The following IL27RA variants were observed in gnomAD, a reference collection of about 807,000 sequenced individuals.
IL27RA encodes the protein interleukin-27 receptor subunit alpha.
A neutral mutation model predicts 80.8 loss-of-function variants in IL27RA; 61 were observed. The observed-to-expected ratio is 0.76, with a 90% confidence interval of 0.61 to 0.93. The LOEUF is 0.93. Ranked by LOEUF, IL27RA falls within the 40% of genes least tolerant of loss-of-function variation. The pLI is 0.00. For synonymous variants in IL27RA, 316 were observed against 332.5 expected (o/e 0.95, Z 0.54); for missense variants, 735 against 808.1 (o/e 0.91, Z 1.10).
chr19:14,049,459 C>T (rs367570047), intron 10 of IL27RA, 145 bp downstream of exon 10: 17 of 696,082 alleles, frequency 2.4e-5, no homozygotes, highest in South Asian at 9.2e-5. Context: ...ATCAATGTAA[C>T]GAGCTTTCAT....
At chr19:14,050,911 A>C in intron 11 of IL27RA, 28 bp downstream of exon 11, 1 of 1,592,786 alleles carries the variant, frequency 6.3e-7, no homozygotes, top group South Asian at 1.1e-5. Flanking sequence ...GGATTGCCAC[A>C]GGGAGGGGAT....
rs764606292 is a variant in IL27RA, at chr19:14,052,149, G to A, written c.1770G>A (p.Glu590=). The A allele has an allele frequency of 3.1e-6, 5 of 1,612,938 alleles. No individual in the cohort carries two copies. In the South Asian group the frequency reaches 3.3e-5, roughly 11 times the overall value. The change falls in exon 14 of 14, where the codon GAG becomes GAA. Residue 590 remains glutamate, a synonymous_variant. Coordinates refer to ENST00000263379, the MANE Select transcript of IL27RA (RefSeq NM_004843.4). ...LGDLPILEVE[E]MEPPPVMESS... is the part of the protein sequence containing the mutation. The stretch of plus-strand genomic sequence containing the variant: ...ACTTGCCCATCCTGGAAGTGGAGGA[G>A]ATGGAGCCCCCGCCGGTTATGGAGT...
intron 11 of IL27RA, 73 bp downstream of exon 11, chr19:14,050,956 C>T: frequency 2.7e-6 from 4 of 1,471,170 alleles, no homozygotes; most frequent in Admixed American, 1.9e-5. Flanking sequence ...CATCTGGAGT[C>T]ATTACTTGGA....
chr19:14,044,892 G>A (rs906144154), intron 6 of IL27RA, among the ~76,000 whole-genome samples: 4 of 151,762 alleles, frequency 2.6e-5, no homozygotes, highest in Non-Finnish European at 5.9e-5. Context: ...TTGGGAGGCC[G>A]AGGCGGGTGG....
intron 10 of IL27RA, among the ~76,000 whole-genome samples, chr19:14,050,426 C>T (rs1976141702): frequency 6.6e-6 from 1 of 150,786 alleles, no homozygotes; most frequent in African/African-American, 2.4e-5. Flanking sequence ...TGCTTGAACC[C>T]AGGAGGCAGA....
Position 14,046,182 on chromosome 19 carries a change from A to C in IL27RA, c.797A>C (p.Tyr266Ser). ...KAPGPCVQVS[Y>S]KVWFWVGGRE... ...CCAGGGCCCTGTGTGCAGGTGAGCT[A>C]CAAAGTCTGGTTCTGGGTTGGAGGT... The change falls in exon 7 of 14, where the codon TAC (tyrosine) becomes TCC (serine). Residue 266 changes from tyrosine to serine, a missense_variant. Physicochemically the swap from Tyr to Ser is moderately radical, Grantham distance 144. Transcript: ENST00000263379. The C allele has an allele frequency of 1.2e-6, 2 of 1,614,196 alleles. No individual in the cohort carries two copies. Among genetic ancestry groups the C allele is most frequent in the Non-Finnish European group, 1.7e-6 (2 of 1,180,032 alleles).
Position 14,032,424 on chromosome 19 carries a change from T to C in IL27RA, c.139T>C (p.Leu47=), listed in dbSNP as rs1975833135. ...ACTGCAGTGCTACGGAGTTGGACCC[T>C]TGGGCGACTTGAACTGCTCGTGGGA... The part of the protein sequence containing the change: ...GPLQCYGVGP[L]GDLNCSWEPL... The change falls in exon 2 of 14, where the codon TTG becomes CTG. Residue 47 remains leucine, a synonymous_variant. Transcript: ENST00000263379. The C allele has an allele frequency of 6.2e-7, 1 of 1,613,684 alleles. No homozygotes were observed. Among genetic ancestry groups the C allele is most frequent in the South Asian group, 1.1e-5 (1 of 91,060 alleles).
chr19:14,051,654 G>T lies in IL27RA; in HGVS notation c.1576G>T (p.Gly526Cys). 1 of 1,613,366 alleles carries T rather than the reference G, an allele frequency of 6.2e-7. No homozygotes were observed. The highest frequency in any genetic ancestry group is 8.5e-7 in the Non-Finnish European group (1 of 1,179,568). ...TCTGCCGGGCATCCTATTCTTGTGG[G>T]GCTTGTTCCTGTTGGGGTGTGGCCT... The part of the protein sequence containing the change: ...KVLPGILFLW[G>C]LFLLGCGLSL... The change falls in exon 12 of 14, where the codon GGC becomes TGC. Residue 526 changes from glycine (G) to cysteine (C), a missense_variant. By Grantham distance (159) the Gly-to-Cys change is radical. Transcript: ENST00000263379.
In IL27RA at chr19:14,044,370, G is replaced by T. The variant is rs555777800; in HGVS notation, c.768+1581G>T. Among the ~76,000 whole-genome samples the T allele has an allele frequency of 2.6e-5, 4 of 152,046 alleles. No individual in the cohort carries two copies. The East Asian group carries it at 7.7e-4, about 29-fold the overall frequency. ...TTCTCCTGCCTCAGCCTCCTGAGTA[G>T]CTGTGATTATAGGCGCCCGCCACCA... On this transcript the variant is annotated intron_variant, in intron 6 of 13. Coordinates refer to ENST00000263379, the MANE Select transcript of IL27RA (RefSeq NM_004843.4).
intron 2 of IL27RA, among the ~76,000 whole-genome samples, chr19:14,036,123 G>A (rs2145686378): frequency 6.6e-6 from 1 of 151,232 alleles, no homozygotes; most frequent in Admixed American, 6.6e-5. Context: ...AGAGGAAGAG[G>A]AGGGAAAAAA....
chr19:14,049,381 C>T, intron 10 of IL27RA, 67 bp downstream of exon 10: 2 of 1,528,220 alleles, frequency 1.3e-6, no homozygotes, highest in Non-Finnish European at 1.8e-6. Flanking sequence ...GTCAGCCCCA[C>T]CCCTTGTCCC....
intron 6 of IL27RA, among the ~76,000 whole-genome samples, chr19:14,043,367 C>T (rs1377632335): frequency 2.6e-5 from 4 of 151,926 alleles, no homozygotes; most frequent in East Asian, 1.9e-4. Context: ...AACCTGACAG[C>T]GAGACTGGAG....
chr19:14,034,634 T>C (rs1488766180), intron 2 of IL27RA, among the ~76,000 whole-genome samples: 1 of 145,428 alleles, frequency 6.9e-6, no homozygotes, highest in Non-Finnish European at 1.5e-5. Flanking sequence ...TACTCCAGCC[T>C]GGGTGACAGA....
Position 14,042,798 on chromosome 19 carries a change from C to T in IL27RA, c.768+9C>T. On this transcript the variant is annotated intron_variant, in intron 6 of 13. Coordinates refer to ENST00000263379, the MANE Select transcript of IL27RA (RefSeq NM_004843.4). Reference sequence around the variant, plus strand: ...CTTTGCTTCTATGGAAGGTGAGCTTCAGGCACCAGTTACATTTCTCTGCAC... The same window carrying T: ...CTTTGCTTCTATGGAAGGTGAGCTTTAGGCACCAGTTACATTTCTCTGCAC... 6.2e-7 allele frequency: 1 copy of T among 1,612,376 alleles called. No homozygotes were observed. Among genetic ancestry groups the T allele is most frequent in the Non-Finnish European group, 8.5e-7 (1 of 1,178,438 alleles).
chr19:14,039,934 C>G, intron 4 of IL27RA, 24 bp downstream of exon 4: 11 of 1,611,242 alleles, frequency 6.8e-6, no homozygotes, highest in Non-Finnish European at 8.5e-6. Flanking sequence ...TCCTTTTCTC[C>G]CCACCCTATT....
In IL27RA at chr19:14,039,764, G is replaced by A. The variant is rs1005350984; in HGVS notation, c.388G>A (p.Ala130Thr). ...VNLETQMKPN[A>T]PRLGPDVDFS... ...TTCCCCTTCCCCAGTGAAGCCAAAC[G>A]CCCCCCGGCTGGGCCCTGACGTGGA... The change falls in exon 4 of 14, where the codon GCC becomes ACC. Residue 130 changes from alanine to threonine, a missense_variant. Coordinates refer to ENST00000263379, the MANE Select transcript of IL27RA (RefSeq NM_004843.4). 2.5e-6 allele frequency: 4 copies of A among 1,613,640 alleles called. No individual in the cohort carries two copies. The highest frequency in any genetic ancestry group is 1.3e-5 in the African/African-American group (1 of 75,012).
At chr19:14,033,165 C>G (rs985096292) in intron 2 of IL27RA, among the ~76,000 whole-genome samples, 15 of 143,674 alleles carry the variant, frequency 1.0e-4, no homozygotes, top group Admixed American at 2.8e-4. Flanking sequence ...GGTGTGGTCT[C>G]GGCTCACTGC....
At chr19:14,035,897 C>T (rs1476664449) in intron 2 of IL27RA, among the ~76,000 whole-genome samples, 2 of 151,920 alleles carry the variant, frequency 1.3e-5, no homozygotes, top group South Asian at 2.1e-4. Context: ...TTTCCCTCCT[C>T]GGCCTTCCCA....
At chr19:14,049,582 ATTTT>A (rs767841478) in intron 10 of IL27RA, among the ~76,000 whole-genome samples, 3 of 136,802 alleles carry the variant, frequency 2.2e-5, no homozygotes, top group Non-Finnish European at 3.2e-5. Context: ...GTATGGTTCC[ATTTT>A]TTTTTTTTTT....
Sources: allele counts gnomAD v4.1 joint callset (sites outside exome capture counted in the v4.1 genomes callset), GRCh38; gene constraint gnomAD v4.1.1; transcripts MANE v1.5; gene names NCBI Gene and HGNC (gene_info 2026-07-23, HGNC 2026-07-21).